Variants in ALYREF observed in about 807,000 individuals in gnomAD.
ALYREF encodes the protein THO complex subunit 4.
A neutral mutation model predicts 25.2 loss-of-function variants in ALYREF; 1 was observed. That is an observed-to-expected ratio of 0.04 (90% CI 0.01 to 0.19). The LOEUF (loss-of-function observed/expected upper bound fraction) is 0.19, where lower values mean the gene tolerates loss of function less well. ALYREF is among the 10% of genes least tolerant of loss of function. The probability of loss-of-function intolerance (pLI) is 1.00; values close to 1 mark genes in which losing one functional copy is unlikely to be tolerated. For synonymous variants in ALYREF, 193 were observed against 153.5 expected (o/e 1.26, Z -1.90); for missense variants, 328 against 375.6 (o/e 0.87, Z 1.05).
intron 1 of ALYREF, 45 bp downstream of exon 1, chr17:81,891,278 G>C: frequency 1.8e-6 from 2 of 1,102,562 alleles, no homozygotes; most frequent in Non-Finnish European, 2.2e-6. Context: ...CCCAGCCCCG[G>C]CTGGCCCCCT....
At chr17:81,890,315 G>T (rs974854121) in intron 2 of ALYREF, among the ~76,000 whole-genome samples, 4 of 152,140 alleles carry the variant, frequency 2.6e-5, no homozygotes, top group Non-Finnish European at 4.4e-5. Context: ...GATACATAAA[G>T]AAGATTCTTT....
At position 81,891,357 on chromosome 17, in the gene ALYREF, C is replaced by A; in HGVS notation, c.224G>T (p.Gly75Val). Residue 75 changes from glycine to valine, a missense_variant, in exon 1 of 6, where the codon GGA (glycine) becomes GTA (valine). By Grantham distance (109) the Gly-to-Val change is moderately radical (BLOSUM62 -3). Coordinates refer to ENST00000505490, the MANE Select transcript of ALYREF (RefSeq NM_005782.4). ...GGGCGCCGGTCGGTTCCTGCCGCCT[C>A]CGCCGGCCGCGCCGCGGGCGATGGC... ...RPAIARGAAG[G>V]GGRNRPAPYS... is the part of the protein sequence containing the mutation. 1 of 1,156,332 alleles carries A rather than the reference C, an allele frequency of 8.6e-7. No individual in the cohort carries two copies. The highest frequency in any genetic ancestry group is 2.9e-5 in the South Asian group (1 of 34,378). 71.6% of individuals were successfully genotyped at this position (1,156,332 alleles called of 1,614,324 possible).
rs1598289892 is a variant in ALYREF, at chr17:81,887,973, A to C, written c.*158T>G. Reference sequence around the variant, plus strand: ...GTTTCAGAATTAAAAAAAAAAAAAAAGAAAAAAAAAAAACCTTTACATGAG... The same window carrying C: ...GTTTCAGAATTAAAAAAAAAAAAAACGAAAAAAAAAAAACCTTTACATGAG... On this transcript the variant is annotated 3_prime_UTR_variant, in exon 6 of 6. Transcript: ENST00000505490. 1.4e-6 allele frequency: 1 copy of C among 698,804 alleles called. No homozygotes were observed. The highest frequency in any genetic ancestry group is 2.1e-6 in the Non-Finnish European group (1 of 476,700). The allele number at this position is 698,804 out of a possible 1,614,324, so 43.3% of individuals were successfully genotyped here.
In ALYREF at chr17:81,888,923, G is replaced by A. The variant is rs2039466790; in HGVS notation, c.538+259C>T. On this transcript the variant is annotated intron_variant, in intron 3 of 5. Transcript: ENST00000505490. The surrounding 1 kb of genome is among the most constrained non-coding windows in gnomAD (Gnocchi z 5.8). The stretch of plus-strand genomic sequence containing the variant: ...CCGCACTCAGAGGTGTACTATGGCG[G>A]TTCTGAGAAGGCTTCACAGAAGTGA... 1.4e-6 allele frequency: 2 copies of A among 1,412,198 alleles called. No individual in the cohort carries two copies. Among genetic ancestry groups the A allele is most frequent in the African/African-American group, 1.4e-5 (1 of 69,486 alleles). 87.5% of individuals were successfully genotyped at this position (1,412,198 alleles called of 1,614,324 possible). A position where few individuals can be genotyped will look rare whatever the true frequency, so the allele number is the denominator to read the frequency against.
intron 3 of ALYREF, 57 bp downstream of exon 3, chr17:81,889,125 T>G: frequency 4.4e-6 from 7 of 1,599,080 alleles, no homozygotes; most frequent in Non-Finnish European, 6.0e-6. Context: ...CCTGGACAGG[T>G]GCCAGCCCCA....
intron 1 of ALYREF, 35 bp downstream of exon 1, chr17:81,891,288 T>TC: frequency 9.1e-7 from 1 of 1,101,728 alleles, no homozygotes; most frequent in Non-Finnish European, 1.1e-6. Flanking sequence ...GCTGGCCCCC[T>TC]CCCACTCTCC....
exon 1 of ALYREF, chr17:81,891,585 TCGAGCCCGCGCGTCAGCACGCCGGCAC>T (rs2039531766): frequency 7.1e-6 from 10 of 1,413,996 alleles, no homozygotes; most frequent in South Asian, 3.9e-5. Context: ...GGGCATCGGC[TCGAGCCCGCGCGTCAGCACGCCGGCAC>T]GTCACTTCCG....
At position 81,891,306 on chromosome 17, in the gene ALYREF, C is replaced by G; in HGVS notation, c.258+17G>C. The G allele has an allele frequency of 8.8e-7, 1 of 1,135,132 alleles. No homozygotes were observed. Among genetic ancestry groups the G allele is most frequent in the South Asian group, 3.9e-5 (1 of 25,806 alleles). 70.3% of individuals were successfully genotyped at this position (1,135,132 alleles called of 1,614,324 possible). On this transcript the variant is annotated intron_variant, in intron 1 of 5. Coordinates refer to ENST00000505490, the MANE Select transcript of ALYREF (RefSeq NM_005782.4). ...GGCCCCCTCCCACTCTCCGGCGCGGCCGGCCTCCGCACTCACCCTGCTGTA... is the reference window on the plus strand; with the variant it reads ...GGCCCCCTCCCACTCTCCGGCGCGGGCGGCCTCCGCACTCACCCTGCTGTA...
Position 81,891,561 on chromosome 17 carries a change from G to A in ALYREF, c.20C>T (p.Ala7Val), listed in dbSNP as rs2039530554. Residue 7 changes from alanine (A) to valine (V), a missense_variant, in exon 1 of 6, where the codon GCC becomes GTC. Transcript: ENST00000505490. ...AGACATGTCCATTTTGTCGGCCATG[G>A]CGGGCGCGGAATCGGGCATCGGCTC... MPDSAP[A>V]MADKMDMSLD... 1.4e-6 allele frequency: 2 copies of A among 1,438,678 alleles called. No homozygotes were observed. The highest frequency in any genetic ancestry group is 1.8e-6 in the Non-Finnish European group (2 of 1,095,130). The allele number at this position is 1,438,678 out of a possible 1,614,324, so 89.1% of individuals were successfully genotyped here.
Position 81,887,964 on chromosome 17 carries a change from A to G in ALYREF, c.*167T>C. ...AACAGGTCTGTTTCAGAATTAAAAA[A>G]AAAAAAAAAGAAAAAAAAAAAACCT... On this transcript the variant is annotated 3_prime_UTR_variant, in exon 6 of 6. Transcript: ENST00000505490. 1 of 813,002 alleles carries G rather than the reference A, an allele frequency of 1.2e-6. No homozygotes were observed. The highest frequency in any genetic ancestry group is 1.8e-6 in the Non-Finnish European group (1 of 560,774). 50.4% of individuals were successfully genotyped at this position (813,002 alleles called of 1,614,324 possible). A position where few individuals can be genotyped will look rare whatever the true frequency, so the allele number is the denominator to read the frequency against.
intron 2 of ALYREF, 82 bp downstream of exon 2, chr17:81,890,607 A>T: frequency 1.3e-6 from 2 of 1,568,294 alleles, no homozygotes; most frequent in South Asian, 2.3e-5. Flanking sequence ...TAAGGCGGGA[A>T]GGGGACTCAG....
chr17:81,891,168 A>AC (rs1245513160), intron 1 of ALYREF, among the ~76,000 whole-genome samples, 155 bp downstream of exon 1: 1 of 41,846 alleles, frequency 2.4e-5, no homozygotes, highest in African/African-American at 9.1e-5. Context: ...CCCGCCCACC[A>AC]CCCCCTCCGC....
intron 1 of ALYREF, 90 bp from the exon 2 acceptor site, chr17:81,890,910 C>G (rs2039509625): frequency 1.3e-6 from 2 of 1,574,898 alleles, no homozygotes; most frequent in Admixed American, 3.5e-5. Flanking sequence ...CTTCCTCTTC[C>G]CGGCCTGAGA....
chr17:81,891,016 T>C, intron 1 of ALYREF, 196 bp from the exon 2 acceptor site: 2 of 825,136 alleles, frequency 2.4e-6, no homozygotes, highest in South Asian at 1.8e-5. Context: ...ACAACTTCAG[T>C]TCCCTTAGAC....
At position 81,891,551 on chromosome 17, in the gene ALYREF, G is replaced by C; in HGVS notation, c.30C>G (p.Asp10Glu). The C allele has an allele frequency of 2.1e-6, 3 of 1,438,648 alleles. No individual in the cohort carries two copies. Among genetic ancestry groups the C allele is most frequent in the Non-Finnish European group, 2.7e-6 (3 of 1,094,912 alleles). The allele number at this position is 1,438,648 out of a possible 1,614,324, so 89.1% of individuals were successfully genotyped here. Residue 10 changes from aspartate (D) to glutamate (E), a missense_variant, in exon 1 of 6, where the codon GAC (aspartate) becomes GAG (glutamate). Asp to Glu is a conservative substitution (Grantham distance 45). Transcript: ENST00000505490. MPDSAPAMADKMDMSLDDII... is the reference protein window; with the variant it reads MPDSAPAMAEKMDMSLDDII... ...TGTCGTCCAGAGACATGTCCATTTT[G>C]TCGGCCATGGCGGGCGCGGAATCGG...
rs369325164 is a variant in ALYREF at position 81,889,356 on chromosome 17, G to C, written c.391-27C>G. ...TGGGAGTTGCAGAGAGCAGTTGTCAGAAAAGCAACAAAACTGCGTTCCTTC... is the reference window on the plus strand; with the variant it reads ...TGGGAGTTGCAGAGAGCAGTTGTCACAAAAGCAACAAAACTGCGTTCCTTC... On this transcript the variant is annotated intron_variant, in intron 2 of 5. Coordinates refer to ENST00000505490, the MANE Select transcript of ALYREF (RefSeq NM_005782.4). The C allele has an allele frequency of 6.6e-4, 1,059 of 1,608,514 alleles. 6 individuals are homozygous for C. In the African/African-American group the frequency reaches 0.012, roughly 18 times the overall value.
At position 81,890,823 on chromosome 17, in the gene ALYREF, G is replaced by A. The variant is rs981033407; in HGVS notation, c.259-3C>T. 2.5e-6 allele frequency: 4 copies of A among 1,587,428 alleles called. No individual in the cohort carries two copies. Among genetic ancestry groups the A allele is most frequent in the East Asian group, 2.3e-5 (1 of 43,890 alleles). ...CACTTGTCGGGAAGTTGTTTTGGCT[G>A]AAAAAAAAACCGCAACAAGAGCAGA... On this transcript the variant is annotated splice_polypyrimidine_tract_variant and splice_region_variant and intron_variant, in intron 1 of 5. Coordinates refer to ENST00000505490, the MANE Select transcript of ALYREF (RefSeq NM_005782.4).
rs1216994313 is a variant in ALYREF, at chr17:81,889,306, C to T, written c.414G>A (p.Thr138=). 1.5e-5 allele frequency: 24 copies of T among 1,614,000 alleles called. No individual in the cohort carries two copies. The highest frequency in any genetic ancestry group is 5.0e-5 in the Admixed American group (3 of 60,012). Residue 138 remains threonine, a synonymous_variant, in exon 3 of 6, where the codon ACG becomes ACA. Transcript: ENST00000505490. The part of the protein sequence containing the change: ...DIQELFAEFG[T]LKKAAVHYDR... ...CATAGTGCACAGCCGCCTTCTTCAG[C>T]GTTCCAAATTCAGCAAAGAGTTCCT...
At position 81,888,012 on chromosome 17, in the gene ALYREF, T is replaced by C; in HGVS notation, c.*119A>G. The C allele has an allele frequency of 1.1e-5, 14 of 1,290,188 alleles. No homozygotes were observed. The South Asian group carries it at 1.2e-4, about 11-fold the overall frequency. 79.9% of individuals were successfully genotyped at this position (1,290,188 alleles called of 1,614,324 possible). On this transcript the variant is annotated 3_prime_UTR_variant, in exon 6 of 6. Transcript: ENST00000505490. The surrounding 1 kb of genome is among the most constrained non-coding windows in gnomAD (Gnocchi z 5.8). ...CCTTTACATGAGTTTTTAAATCCTA[T>C]TTTAAAACATAAAAGAAACAAATCC...
Sources: allele counts gnomAD v4.1 joint callset (sites outside exome capture counted in the v4.1 genomes callset), GRCh38; gene constraint gnomAD v4.1.1; non-coding constraint Gnocchi (gnomAD v3.1); transcripts MANE v1.5; gene names NCBI Gene and HGNC (gene_info 2026-07-23, HGNC 2026-07-21).